Variants in NPAS3 observed in about 807,000 individuals in gnomAD.
NPAS3 encodes the protein neuronal PAS domain-containing protein 3.
A neutral mutation model predicts 73.1 loss-of-function variants in NPAS3; 14 were observed. That is an observed-to-expected ratio of 0.19 (90% CI 0.13 to 0.30). The LOEUF (loss-of-function observed/expected upper bound fraction) is 0.30, where lower values mean the gene tolerates loss of function less well. Ranked by LOEUF, NPAS3 falls within the 10% of genes least tolerant of loss-of-function variation. The pLI, the probability that NPAS3 is intolerant of heterozygous loss-of-function variation, is 1.00. For missense variants in NPAS3, 1,096 were observed against 1,250.0 expected, an observed-to-expected ratio of 0.88 and a Z score of 1.86; for synonymous variants, 620 against 541.5, an observed-to-expected ratio of 1.14 and a Z score of -2.01.
chr14:33,198,371 T>C (rs769108994), intron 2 of NPAS3, among the ~76,000 whole-genome samples: 20 of 152,098 alleles, frequency 1.3e-4, no homozygotes, highest in Non-Finnish European at 2.5e-4. Flanking sequence ...TACAGAGAGC[T>C]GATTGGTCCA....
intron 3 of NPAS3, among the ~76,000 whole-genome samples, chr14:33,279,290 TTTCATTTAATAATGTA>T (rs1322379050): frequency 2.0e-5 from 3 of 152,184 alleles, no homozygotes; most frequent in Non-Finnish European, 2.9e-5. Context: ...ATAATGACTA[TTTCATTTAATAATGTA>T]TTCATTTAAT....
chr14:33,244,216 T>C (rs1038573381), intron 3 of NPAS3, among the ~76,000 whole-genome samples: 5 of 152,182 alleles, frequency 3.3e-5, no homozygotes, highest in African/African-American at 1.2e-4. Context: ...TGTTATAATT[T>C]GCATTTTACT....
chr14:33,083,717 A>G (rs1010654138), intron 2 of NPAS3, among the ~76,000 whole-genome samples: 1 of 152,224 alleles, frequency 6.6e-6, no homozygotes, highest in African/African-American at 2.4e-5. Context: ...TTTGAAGGGT[A>G]TCCAGTTTTA....
chr14:33,023,382 T>C lies in NPAS3; in HGVS notation c.51-32523T>C, dbSNP rs552165831. On this transcript the variant is annotated intron_variant, in intron 1 of 11. Coordinates refer to ENST00000356141, the Ensembl canonical transcript of NPAS3. Reference sequence around the variant, plus strand: ...CTTTTGGAATGAATATTTTTTTTCATTGGAAGGTGTGACCTAATCTCCATA... The same window carrying C: ...CTTTTGGAATGAATATTTTTTTTCACTGGAAGGTGTGACCTAATCTCCATA... Among the ~76,000 whole-genome samples the C allele has an allele frequency of 2.6e-4, 39 of 152,348 alleles. 1 individual carries two copies. In the South Asian group the frequency reaches 3.7e-3, roughly 15 times the overall value.
At chr14:33,774,453 C>T in exon 8 of NPAS3, 1 of 1,614,184 alleles carries the variant, frequency 6.2e-7, no homozygotes, top group South Asian at 1.1e-5. Flanking sequence ...CCCCTACGAT[C>T]AATGAAGTCA....
intron 5 of NPAS3, chr14:33,578,186 C>T (rs758318621): frequency 4.2e-5 from 19 of 455,872 alleles, no homozygotes; most frequent in Non-Finnish European, 8.4e-5. Context: ...GAACTACCAA[C>T]ACCTTTGTTT....
chr14:33,354,042 T>G (rs10146790), intron 3 of NPAS3, among the ~76,000 whole-genome samples: 1 of 151,936 alleles, frequency 6.6e-6, no homozygotes, highest in East Asian at 1.9e-4. Context: ...AAAAAAATAG[T>G]GTGTTGCTTA....
chr14:33,012,572 G>A (rs1478756768), intron 1 of NPAS3, among the ~76,000 whole-genome samples: 2 of 148,226 alleles, frequency 1.3e-5, no homozygotes, highest in Non-Finnish European at 3.0e-5. Flanking sequence ...TTTTTTAGAT[G>A]GAGTCTCGCT....
Position 33,459,193 on chromosome 14 carries a change from C to T in NPAS3, c.468+91925C>T, listed in dbSNP as rs537347199. The stretch of plus-strand genomic sequence containing the variant: ...CATTTTGGTTTTGGTGGGTTTTGGC[C>T]GGCTTCTTCACTGACCTGTATCTTG... On this transcript the variant is annotated intron_variant, in intron 4 of 11. Coordinates refer to ENST00000356141, the Ensembl canonical transcript of NPAS3. Among the ~76,000 whole-genome samples, 6 of 152,210 alleles carry T rather than the reference C, an allele frequency of 3.9e-5. No individual in the cohort carries two copies. In the South Asian group the frequency reaches 6.2e-4, roughly 16 times the overall value.
At chr14:33,388,962 G>A (rs919043044) in intron 4 of NPAS3, among the ~76,000 whole-genome samples, 15 of 152,104 alleles carry the variant, frequency 9.9e-5, no homozygotes, top group African/African-American at 2.4e-4. Flanking sequence ...CATCATTATC[G>A]CTATTAACAT....
intron 2 of NPAS3, among the ~76,000 whole-genome samples, chr14:33,155,216 T>C (rs1174656381): frequency 1.3e-5 from 2 of 152,216 alleles, no homozygotes; most frequent in African/African-American, 4.8e-5. Flanking sequence ...AAGACATTGT[T>C]TGAAATTGGG....
At chr14:33,542,204 T>C (rs1210014164) in intron 4 of NPAS3, among the ~76,000 whole-genome samples, 2 of 152,204 alleles carry the variant, frequency 1.3e-5, no homozygotes, top group Non-Finnish European at 2.9e-5. Flanking sequence ...TGTCTGCCTG[T>C]CTCTCACACC....
intron 3 of NPAS3, among the ~76,000 whole-genome samples, chr14:33,351,860 A>C (rs377637737): frequency 6.6e-6 from 1 of 152,098 alleles, no homozygotes; most frequent in Non-Finnish European, 1.5e-5. Context: ...GAACACATGG[A>C]CCCAGGGAAG....
intron 5 of NPAS3, among the ~76,000 whole-genome samples, chr14:33,616,880 C>G (rs1385504460): frequency 6.6e-6 from 1 of 152,190 alleles, no homozygotes; most frequent in Non-Finnish European, 1.5e-5. Context: ...TGCAAATCTT[C>G]TGTCAAGTGA....
chr14:33,328,457 T>TC (rs2043817265), intron 3 of NPAS3, among the ~76,000 whole-genome samples: 1 of 17,464 alleles, frequency 5.7e-5, no homozygotes, highest in Non-Finnish European at 1.0e-4. Flanking sequence ...TTTTTTTTTT[T>TC]TTTTTTTTTT....
chr14:33,717,875 C>T (rs1436976435), intron 6 of NPAS3, among the ~76,000 whole-genome samples: 1 of 152,084 alleles, frequency 6.6e-6, no homozygotes, highest in Non-Finnish European at 1.5e-5. Flanking sequence ...ATCCTAATCC[C>T]CCTCTACCTC....
intron 5 of NPAS3, among the ~76,000 whole-genome samples, chr14:33,623,993 C>T (rs963263563): frequency 6.6e-6 from 1 of 152,188 alleles, no homozygotes; most frequent in Non-Finnish European, 1.5e-5. Flanking sequence ...TTCTCCTTTT[C>T]GAAGTCTTTG....
chr14:33,196,594 T>C (rs2046363855), intron 2 of NPAS3, among the ~76,000 whole-genome samples: 1 of 152,232 alleles, frequency 6.6e-6, no homozygotes, highest in South Asian at 2.1e-4. Flanking sequence ...ATCTCCGCTA[T>C]ACAAATAAGG....
rs372664369 is a variant in NPAS3 at position 33,043,804 on chromosome 14, A to G, written c.51-12101A>G. Among the ~76,000 whole-genome samples the G allele has an allele frequency of 1.3e-3, 194 of 152,140 alleles. 1 individual carries two copies. Among genetic ancestry groups the G allele is most frequent in the African/African-American group, 4.4e-3 (181 of 41,528 alleles). On this transcript the variant is annotated intron_variant, in intron 1 of 11. Coordinates refer to ENST00000356141, the Ensembl canonical transcript of NPAS3. ...TTTAAAAATGTATTGTTAGTCCACA[A>G]TAGACTGATGGAAGTTAAAAAAAAA...
Sources: gnomAD v4.1 joint callset for allele counts (sites outside exome capture counted in the v4.1 genomes callset) on GRCh38, gnomAD v4.1.1 for gene constraint, MANE v1.5 for transcripts, NCBI Gene and HGNC (gene_info 2026-07-23, HGNC 2026-07-21) for gene names.